Variants in CDHR4 observed in about 807,000 individuals in gnomAD.
CDHR4 encodes cadherin-related family member 4.
In CDHR4, 89 loss-of-function variants were observed where a neutral mutation model predicts 88.4. The observed-to-expected ratio is 1.01, with a 90% CI of 0.85 to 1.20. The LOEUF (loss-of-function observed/expected upper bound fraction) is 1.20. Ranked by LOEUF, CDHR4 falls within the 50% of genes most tolerant of loss-of-function variation. The probability of loss-of-function intolerance (pLI) is 0.00; values close to 1 mark genes in which losing one functional copy is unlikely to be tolerated. For synonymous variants in CDHR4, 368 were observed against 399.2 expected (o/e 0.92, Z 0.93); for missense variants, 914 against 1,007.2 (o/e 0.91, Z 1.25).
intron 4 of CDHR4, among the ~76,000 whole-genome samples, chr3:49,797,932 CAG>C (rs1314653950): frequency 7.4e-6 from 1 of 135,158 alleles, no homozygotes; most frequent in Non-Finnish European, 1.6e-5. Context: ...TTTTTTGAGA[CAG>C]AGTCTTGTTC....
In CDHR4 at chr3:49,794,615, C is replaced by G; in HGVS notation, c.1272G>C (p.Gln424His). The G allele has an allele frequency of 6.4e-7, 1 of 1,550,434 alleles. No individual in the cohort carries two copies. Among genetic ancestry groups the G allele is most frequent in the South Asian group, 1.2e-5 (1 of 83,892 alleles). ...CCGGGTGTGGTCACTCACTGGTCAT[C>G]TGGGGCTGGCCACCATCGAGCACCA... is the stretch of plus-strand genomic sequence containing the variant. ...SILVLDGGQP[Q>H]MTTEVPVLVM... is the part of the protein sequence containing the mutation. The change falls in exon 10 of 19, where the codon CAG becomes CAC. Residue 424 changes from glutamine (Q) to histidine (H), a missense_variant. Physicochemically the swap from Gln to His is conservative, Grantham distance 24 (BLOSUM62 0). Transcript: ENST00000412678.
intron 18 of CDHR4, 66 bp from the exon 19 acceptor site, chr3:49,790,953 C>T: frequency 7.7e-7 from 1 of 1,290,520 alleles, no homozygotes; most frequent in Non-Finnish European, 1.1e-6. Flanking sequence ...TGCCTCCCTC[C>T]CCCTTACTTA....
chr3:49,800,880 T>C (rs1284391720), upstream of CDHR4, among the ~76,000 whole-genome samples: 1 of 96,852 alleles, frequency 1.0e-5, no homozygotes, highest in Non-Finnish European at 2.0e-5. Flanking sequence ...ACCCTGTCTC[T>C]ACAAAAAAAA....
chr3:49,792,994 G>C lies in CDHR4; in HGVS notation c.1855C>G (p.Gln619Glu). The change falls in exon 14 of 19, where the codon CAG becomes GAG. Residue 619 changes from glutamine (Q) to glutamate (E), a missense_variant. Gln to Glu is a conservative substitution (Grantham distance 29). Coordinates refer to ENST00000412678, the MANE Select transcript of CDHR4 (RefSeq NM_001007540.4). ...DLVLGPFWPE[Q>E]PRTYELLICV... The stretch of plus-strand genomic sequence containing the variant: ...ATCAGTAGCTCATAGGTACGGGGCT[G>C]CTCTGGCCAGAACGGCCCCAACACA... 1 of 1,551,684 alleles carries C rather than the reference G, an allele frequency of 6.4e-7. No homozygotes were observed. The highest frequency in any genetic ancestry group is 8.7e-7 in the Non-Finnish European group (1 of 1,146,988).
rs2081209164 is a variant in CDHR4 at position 49,793,189 on chromosome 3, G to A, written c.1746C>T (p.Arg582=). 1 of 1,551,560 alleles carries A rather than the reference G, an allele frequency of 6.4e-7. No individual in the cohort carries two copies. Among genetic ancestry groups the A allele is most frequent in the Admixed American group, 2.0e-5 (1 of 50,980 alleles). The change falls in exon 13 of 19, where the codon CGC becomes CGT. Residue 582 remains arginine (R), a synonymous_variant. Coordinates refer to ENST00000412678, the MANE Select transcript of CDHR4 (RefSeq NM_001007540.4). The part of the protein sequence containing the change: ...MSCQIPQEPQ[R]LIYSYSIVGG... ...CCACGATGCTATAGGAGTAGATCAG[G>A]CGCTGTGGCTCCTGAGGGATCTGGC... is the stretch of plus-strand genomic sequence containing the variant.
At chr3:49,801,418 C>T (rs2081359640), upstream of CDHR4, among the ~76,000 whole-genome samples, 1 of 152,206 alleles carries the variant, frequency 6.6e-6, no homozygotes, top group African/African-American at 2.4e-5. Context: ...CCCACCCCAC[C>T]TTATCCAGGC....
chr3:49,792,910 C>T lies in CDHR4; in HGVS notation c.1939G>A (p.Val647Met), dbSNP rs1388870757. The change falls in exon 14 of 19, where the codon GTG (valine) becomes ATG (methionine). Residue 647 changes from valine (V) to methionine (M), a missense_variant. Transcript: ENST00000412678. ...CTGGCCCTCCGGGGAACTAGATGCA[C>T]AATAATGGTGGCTGTGGTGCTGAGG... ...PHLSTTATIIVHLVPRRASTV... is the reference protein window; with the variant it reads ...PHLSTTATIIMHLVPRRASTV... 5.8e-6 allele frequency: 9 copies of T among 1,551,376 alleles called. No homozygotes were observed. Among genetic ancestry groups the T allele is most frequent in the South Asian group, 1.2e-5 (1 of 84,026 alleles).
At chr3:49,799,889 C>T, upstream of CDHR4, 1 of 1,528,794 alleles carries the variant, frequency 6.5e-7, no homozygotes, top group Non-Finnish European at 9.0e-7. Context: ...GTTGCCAGGT[C>T]AGTTGCTCAA....
Position 49,791,732 on chromosome 3 carries a change from G to A in CDHR4, c.2265C>T (p.Pro755=). 6.4e-7 allele frequency: 1 copy of A among 1,551,670 alleles called. No individual in the cohort carries two copies. The highest frequency in any genetic ancestry group is 1.2e-5 in the South Asian group (1 of 84,054). The change falls in exon 17 of 19, where the codon CCC becomes CCT. Residue 755 remains proline (P), a synonymous_variant. Transcript: ENST00000412678. ...GACATACCAGACTCATGACACTGCT[G>A]GGTGCCTGGGACATCTCCATCTTCG... The part of the protein sequence containing the change: ...EAPKMEMSQA[P]SSVMSLHFDG...
upstream of CDHR4, among the ~76,000 whole-genome samples, chr3:49,802,848 C>A (rs900101665): frequency 6.6e-6 from 1 of 152,264 alleles, no homozygotes; most frequent in East Asian, 1.9e-4. Context: ...CCACTTCCAT[C>A]CCGTTCAGGG....
At chr3:49,799,739 G>C in intron 1 of CDHR4, 25 bp downstream of exon 1, 1 of 1,613,040 alleles carries the variant, frequency 6.2e-7, no homozygotes, top group Non-Finnish European at 8.5e-7. Context: ...GAAAACTACG[G>C]TTCCCCCACC....
At position 49,795,902 on chromosome 3, in the gene CDHR4, G is replaced by A; in HGVS notation, c.710+41C>T. ...CACCCTACCTGATTCCCTGGGGCTA[G>A]GCCCTTCCTCCCTCACTGTTCCAGG... On this transcript the variant is annotated intron_variant, in intron 6 of 18. Transcript: ENST00000412678. The surrounding 1 kb of genome is among the most constrained non-coding windows in gnomAD (Gnocchi z 5.4). 4 of 1,517,582 alleles carry A rather than the reference G, an allele frequency of 2.6e-6. No homozygotes were observed. Among genetic ancestry groups the A allele is most frequent in the Non-Finnish European group, 3.5e-6 (4 of 1,129,228 alleles). The allele number at this position is 1,517,582 out of a possible 1,614,324, so 94.0% of individuals were successfully genotyped here.
At chr3:49,797,134 G>A (rs889657858) in intron 4 of CDHR4, 102 bp from the exon 5 acceptor site, 35 of 739,494 alleles carry the variant, frequency 4.7e-5, no homozygotes, top group African/African-American at 4.2e-4. Flanking sequence ...GCAGGCACCT[G>A]CCTACACCCA....
chr3:49,793,865 T>G lies in CDHR4; in HGVS notation c.1421A>C (p.His474Pro), dbSNP rs946914852. The change falls in exon 11 of 19, where the codon CAT (histidine) becomes CCT (proline). Residue 474 changes from histidine to proline, a missense_variant. Physicochemically the swap from His to Pro is moderately conservative, Grantham distance 77 (BLOSUM62 -2). Transcript: ENST00000412678. ...SVVGTDMDYP[H>P]DNIEYYTSGG... Reference sequence around the variant, plus strand: ...AGAGGTGTAGTACTCAATGTTGTCATGAGGGTAATCCATATCCGTGCCCAC... The same window carrying G: ...AGAGGTGTAGTACTCAATGTTGTCAGGAGGGTAATCCATATCCGTGCCCAC... 6.4e-7 allele frequency: 1 copy of G among 1,551,734 alleles called. No individual in the cohort carries two copies.
rs766303363 is a variant in CDHR4 at position 49,793,631 on chromosome 3, G to A, written c.1575C>T (p.Asn525=). ...VLVIDHGQDQ[N]PNHHLSGSCT... is the part of the protein sequence containing the mutation. ...AGGAGCCTGAGAGGTGATGGTTGGG[G>A]TTCTGGTCTTGGCCATGGTCAATCA... Residue 525 remains asparagine, a synonymous_variant, in exon 12 of 19, where the codon AAC becomes AAT. Transcript: ENST00000412678. 1 of 1,551,734 alleles carries A rather than the reference G, an allele frequency of 6.4e-7. No homozygotes were observed. The highest frequency in any genetic ancestry group is 2.0e-5 in the Admixed American group (1 of 51,008).
In CDHR4 at chr3:49,792,481, T is replaced by TGCCAAGAAGCCAGCCTAGG. The variant is rs1343099692; in HGVS notation, c.2106_2124dup (p.Arg709ProfsTer35). 8.4e-6 allele frequency: 13 copies of TGCCAAGAAGCCAGCCTAGG among 1,551,522 alleles called. No individual in the cohort carries two copies. The highest frequency in any genetic ancestry group is 1.1e-5 in the Non-Finnish European group (13 of 1,146,958). ...TAGGATCCCTACCCCTGGAGGAGCC[T>TGCCAAGAAGCCAGCCTAGG]GCCAAGAAGCCAGCCTAGGGCCAAG... On this transcript the variant is annotated frameshift_variant, in exon 15 of 19. Coordinates refer to ENST00000412678, the MANE Select transcript of CDHR4 (RefSeq NM_001007540.4). LOFTEE classifies it high-confidence loss of function.
chr3:49,791,619 C>T lies in CDHR4; in HGVS notation c.2283+95G>A, dbSNP rs1019920907. 68 of 1,486,260 alleles carry T rather than the reference C, an allele frequency of 4.6e-5. No individual in the cohort carries two copies. The East Asian group carries it at 5.4e-4, about 12-fold the overall frequency. 92.1% of individuals were successfully genotyped at this position (1,486,260 alleles called of 1,614,324 possible). ...CATTTCCACAAGGATACCCATTCAT[C>T]GGAAAAGGGGCATGGGAAAAAAGGC... On this transcript the variant is annotated intron_variant, in intron 17 of 18. Coordinates refer to ENST00000412678, the MANE Select transcript of CDHR4 (RefSeq NM_001007540.4).
chr3:49,791,081 G>GA (rs1559722053), intron 18 of CDHR4, among the ~76,000 whole-genome samples, 194 bp from the exon 19 acceptor site: 1 of 152,074 alleles, frequency 6.6e-6, no homozygotes, highest in East Asian at 1.9e-4. Context: ...AAATGCACAG[G>GA]AAGCCTCCTT....
At chr3:49,800,686 C>A (rs1227176238), upstream of CDHR4, among the ~76,000 whole-genome samples, 1 of 151,998 alleles carries the variant, frequency 6.6e-6, no homozygotes, top group East Asian at 1.9e-4. Context: ...GGCAGCTGCA[C>A]AAGTGTCTAC....
Sources: allele counts gnomAD v4.1 joint callset (sites outside exome capture counted in the v4.1 genomes callset), GRCh38; gene constraint gnomAD v4.1.1; non-coding constraint Gnocchi (gnomAD v3.1); transcripts MANE v1.5; gene names NCBI Gene and HGNC (gene_info 2026-07-23, HGNC 2026-07-21).